Variants in ATXN1 observed in about 807,000 individuals in gnomAD.
ATXN1 encodes the protein ataxin 1, also known as ataxin-1.
In ATXN1, 8 loss-of-function variants were observed where a neutral mutation model predicts 56.4. The ratio of observed to expected loss-of-function variants is 0.14; its 90% CI spans 0.08 to 0.26. The LOEUF (loss-of-function observed/expected upper bound fraction) is 0.26, where lower values mean the gene tolerates loss of function less well. Ranked by LOEUF, ATXN1 falls within the 10% of genes least tolerant of loss-of-function variation. The pLI is 1.00. For missense variants in ATXN1, 987 were observed against 1,106.5 expected (o/e 0.89, Z 1.53); for synonymous variants, 514 against 494.6 (o/e 1.04, Z -0.52).
intron 7 of ATXN1, among the ~76,000 whole-genome samples, chr6:16,315,420 C>T (rs1050740585): frequency 1.4e-4 from 21 of 152,146 alleles, no homozygotes; most frequent in African/African-American, 4.6e-4. Flanking sequence ...CTGCATCTCA[C>T]TCGCTCGGTC....
intron 4 of ATXN1, among the ~76,000 whole-genome samples, chr6:16,531,570 C>G (rs1761504235): frequency 6.6e-6 from 1 of 151,182 alleles, no homozygotes; most frequent in South Asian, 2.1e-4. Flanking sequence ...TTGCAGTGAG[C>G]CGAGATCATG....
intron 4 of ATXN1, among the ~76,000 whole-genome samples, chr6:16,533,667 C>T (rs1183129940): frequency 6.6e-6 from 1 of 152,152 alleles, no homozygotes; most frequent in Non-Finnish European, 1.5e-5. Context: ...CAAAGCCAAC[C>T]TATCTTTCAG....
At position 16,596,427 on chromosome 6, in the gene ATXN1, C is replaced by T. The variant is rs1007770610; in HGVS notation, c.-488-10520G>A. On this transcript the variant is annotated intron_variant, in intron 3 of 7. Coordinates refer to ENST00000436367, the MANE Select transcript of ATXN1 (RefSeq NM_001128164.2). ...TTTGGAACCTCAGGTGAAACCCCAG[C>T]AAAAACATTAAAATCATCACATTTG... Among the ~76,000 whole-genome samples, 6 of 152,246 alleles carry T rather than the reference C, an allele frequency of 3.9e-5. No individual in the cohort carries two copies. In the South Asian group the frequency reaches 1.0e-3, roughly 26 times the overall value.
At chr6:16,653,003 A>G (rs1168944607) in intron 3 of ATXN1, 1 of 152,268 alleles carries the variant, frequency 6.6e-6, no homozygotes, top group African/African-American at 2.4e-5. Flanking sequence ...TGAACTAAGC[A>G]ACAGCCAAAT....
chr6:16,569,961 C>T (rs1762302916), intron 4 of ATXN1, among the ~76,000 whole-genome samples: 1 of 152,182 alleles, frequency 6.6e-6, no homozygotes, highest in Non-Finnish European at 1.5e-5. Flanking sequence ...TACAAGGACC[C>T]TGGGTCAGGG....
At chr6:16,477,759 T>G (rs1464624952) in intron 6 of ATXN1, among the ~76,000 whole-genome samples, 4 of 152,212 alleles carry the variant, frequency 2.6e-5, no homozygotes, top group African/African-American at 9.6e-5. Context: ...GGCCCGGCAG[T>G]CCCCACATTC....
At chr6:16,332,337 A>G (rs1761011667) in intron 6 of ATXN1, among the ~76,000 whole-genome samples, 1 of 152,226 alleles carries the variant, frequency 6.6e-6, no homozygotes, top group Non-Finnish European at 1.5e-5. Context: ...TCGGGTGATC[A>G]TGGGACTAAA....
intron 6 of ATXN1, among the ~76,000 whole-genome samples, chr6:16,441,113 C>G (rs941360001): frequency 6.6e-6 from 1 of 152,038 alleles, no homozygotes; most frequent in Non-Finnish European, 1.5e-5. Context: ...GGCAAGGAAC[C>G]CTGGGAAGGT....
At chr6:16,690,154 T>C (rs1017021597) in intron 2 of ATXN1, among the ~76,000 whole-genome samples, 1 of 152,150 alleles carries the variant, frequency 6.6e-6, no homozygotes, top group Non-Finnish European at 1.5e-5. Context: ...TGAACTCCTC[T>C]GCTCAAGTGA....
At chr6:16,420,464 T>C (rs974136592) in intron 6 of ATXN1, among the ~76,000 whole-genome samples, 2 of 152,204 alleles carry the variant, frequency 1.3e-5, no homozygotes, top group African/African-American at 4.8e-5. Context: ...TATAGAGTAT[T>C]AGAAAGACTG....
At chr6:16,490,251 C>T (rs959467099) in intron 5 of ATXN1, among the ~76,000 whole-genome samples, 1 of 152,100 alleles carries the variant, frequency 6.6e-6, no homozygotes, top group Non-Finnish European at 1.5e-5. Flanking sequence ...TCTCCTCCTA[C>T]TGGTTCCAGA....
chr6:16,596,746 A>G (rs1762822386), intron 3 of ATXN1, among the ~76,000 whole-genome samples: 2 of 152,166 alleles, frequency 1.3e-5, no homozygotes, highest in Admixed American at 1.3e-4. Flanking sequence ...ATCAAATACT[A>G]CAGCAGCATT....
intron 7 of ATXN1, among the ~76,000 whole-genome samples, chr6:16,316,933 A>G (rs1180743063): frequency 7.9e-6 from 1 of 127,212 alleles, no homozygotes; most frequent in Non-Finnish European, 1.6e-5. Context: ...TCCCCCAGGG[A>G]GAGGAGCAGT....
chr6:16,562,372 CAAA>C (rs34385461), intron 4 of ATXN1, among the ~76,000 whole-genome samples: 3 of 68,818 alleles, frequency 4.4e-5, no homozygotes, highest in Non-Finnish European at 5.7e-5. Context: ...GATCTTGTCT[CAAA>C]AAAAAAAAAA....
intron 6 of ATXN1, among the ~76,000 whole-genome samples, chr6:16,378,114 G>A (rs1199847876): frequency 6.6e-6 from 1 of 152,186 alleles, no homozygotes; most frequent in Non-Finnish European, 1.5e-5. Context: ...AGGCCACACT[G>A]CTTCCCTTTG....
At chr6:16,422,293 G>C (rs79749413) in intron 6 of ATXN1, among the ~76,000 whole-genome samples, 1 of 152,146 alleles carries the variant, frequency 6.6e-6, no homozygotes, top group Non-Finnish European at 1.5e-5. Flanking sequence ...TCACCGTGGC[G>C]CAGGTGAGGG....
chr6:16,429,893 C>T (rs1759243429), intron 6 of ATXN1, among the ~76,000 whole-genome samples: 1 of 152,180 alleles, frequency 6.6e-6, no homozygotes, highest in Non-Finnish European at 1.5e-5. Flanking sequence ...GGACGTGGAG[C>T]TCAAACCCAA....
At chr6:16,619,748 A>T (rs1002023390) in intron 3 of ATXN1, among the ~76,000 whole-genome samples, 1 of 152,126 alleles carries the variant, frequency 6.6e-6, no homozygotes, top group African/African-American at 2.4e-5. Context: ...CTTGGATTCA[A>T]ATCATAGCTC....
intron 2 of ATXN1, among the ~76,000 whole-genome samples, chr6:16,672,357 A>AT (rs1758556616): frequency 5.3e-5 from 8 of 152,214 alleles, no homozygotes; most frequent in Admixed American, 5.2e-4. Context: ...TTAAAAACCC[A>AT]TTTTTATAAC....
Sources: gnomAD v4.1 joint callset for allele counts (sites outside exome capture counted in the v4.1 genomes callset) on GRCh38, gnomAD v4.1.1 for gene constraint, MANE v1.5 for transcripts, NCBI Gene and HGNC (gene_info 2026-07-23, HGNC 2026-07-21) for gene names.